PTPRT: variants seen among roughly 807,000 people sequenced by gnomAD.
The protein encoded by PTPRT is receptor-type tyrosine-protein phosphatase T.
In PTPRT, 56 loss-of-function variants were observed where a neutral mutation model predicts 176.8. That is an observed-to-expected ratio of 0.32 (90% confidence interval 0.26 to 0.40). The LOEUF (loss-of-function observed/expected upper bound fraction) is 0.40, where lower values mean the gene tolerates loss of function less well. Among genes scored for constraint, PTPRT ranks in the 10% least tolerant of loss-of-function variants. PTPRT has a pLI of 1.00. For missense variants in PTPRT, 1,540 were observed against 1,908.2 expected (o/e 0.81, Z 3.60); for synonymous variants, 783 against 739.0 (o/e 1.06, Z -0.96).
intron 11 of PTPRT, among the ~76,000 whole-genome samples, chr20:42,344,903 C>T (rs538485430): frequency 6.6e-6 from 1 of 152,220 alleles, no homozygotes; most frequent in African/African-American, 2.4e-5. Context: ...TTTGCATAGG[C>T]TGCTCTTTCT....
intron 1 of PTPRT, among the ~76,000 whole-genome samples, chr20:43,152,002 T>C (rs1165466329): frequency 1.3e-5 from 2 of 152,226 alleles, no homozygotes; most frequent in African/African-American, 4.8e-5. Context: ...GAGCCAGCAA[T>C]AGTATAAAGA....
chr20:42,140,099 T>C (rs1472892940), intron 18 of PTPRT, among the ~76,000 whole-genome samples: 5 of 152,278 alleles, frequency 3.3e-5, no homozygotes, highest in African/African-American at 1.2e-4. Context: ...TTTCTTCCTT[T>C]ACAATCTGCC....
chr20:42,063,999 T>C, the PTPRT span: 2 of 151,756 alleles, frequency 1.3e-5, no homozygotes, highest in Admixed American at 1.3e-4. Context: ...GCTTTGGTGA[T>C]TTGTAAGAGA....
chr20:42,501,078 G>A (rs1238952583), intron 7 of PTPRT, among the ~76,000 whole-genome samples: 1 of 152,098 alleles, frequency 6.6e-6, no homozygotes, highest in Non-Finnish European at 1.5e-5. Flanking sequence ...AATATTACCA[G>A]CCCTCAGAAG....
chr20:42,305,311 A>G (rs6030121), intron 12 of PTPRT, among the ~76,000 whole-genome samples: 4,580 of 152,194 alleles, frequency 0.03, 248 homozygotes, highest in African/African-American at 0.1. Flanking sequence ...AGATCATGCC[A>G]CTGCAATCTA....
chr20:42,097,542 G>A (rs367686115), intron 27 of PTPRT, among the ~76,000 whole-genome samples: 1 of 152,260 alleles, frequency 6.6e-6, no homozygotes, highest in Admixed American at 6.5e-5. Flanking sequence ...GCACTTCACT[G>A]CTGACCTCTA....
intron 1 of PTPRT, among the ~76,000 whole-genome samples, chr20:42,960,532 A>G (rs117174115): frequency 1.3e-5 from 2 of 152,354 alleles, no homozygotes; most frequent in Non-Finnish European, 2.9e-5. Context: ...CAAGGGATAC[A>G]AACATTAGAC....
intron 1 of PTPRT, among the ~76,000 whole-genome samples, chr20:42,999,437 G>A (rs1410472461): frequency 1.3e-5 from 2 of 151,428 alleles, no homozygotes; most frequent in African/African-American, 2.4e-5. Context: ...GCAAATTATA[G>A]TGGTGGGGGT....
chr20:42,184,549 C>CTTCTTCTTCTTCTTCTTT (rs1990665684), intron 16 of PTPRT, among the ~76,000 whole-genome samples: 1 of 111,144 alleles, frequency 9.0e-6, no homozygotes, highest in East Asian at 2.8e-4. Context: ...TCCTCTTCTT[C>CTTCTTCTTCTTCTTCTTT]TTCTTCTTCT....
intron 6 of PTPRT, among the ~76,000 whole-genome samples, chr20:42,740,691 C>G (rs1235427120): frequency 1.3e-5 from 2 of 152,170 alleles, no homozygotes; most frequent in East Asian, 1.9e-4. Flanking sequence ...GGGGGAAGAA[C>G]TGGCAAGTGG....
intron 7 of PTPRT, among the ~76,000 whole-genome samples, chr20:42,506,035 G>A (rs1490969959): frequency 6.6e-6 from 1 of 152,080 alleles, no homozygotes; most frequent in African/African-American, 2.4e-5. Context: ...GCAGAAAGAT[G>A]CAAAGCCATT....
intron 1 of PTPRT, among the ~76,000 whole-genome samples, chr20:43,136,105 T>C (rs888628480): frequency 6.6e-6 from 1 of 152,236 alleles, no homozygotes; most frequent in African/African-American, 2.4e-5. Flanking sequence ...AATTATCTGC[T>C]ATTTAATCAC....
intron 27 of PTPRT, among the ~76,000 whole-genome samples, chr20:42,087,405 T>A (rs982413550): frequency 1.4e-5 from 2 of 147,950 alleles, no homozygotes; most frequent in Non-Finnish European, 3.0e-5. Context: ...TATTTTATTT[T>A]TTTTATTTTT....
rs1048283945 is a variant in PTPRT, at chr20:42,804,942, A to T, written c.215-13476T>A. Among the ~76,000 whole-genome samples the T allele has an allele frequency of 7.9e-5, 12 of 152,242 alleles. No individual in the cohort carries two copies. The East Asian group carries it at 2.1e-3, about 27-fold the overall frequency. ...ACATCTAGAATGACTACTTCCAAAT[A>T]AGGTCACATTTTGAGATACTGGGAG... On this transcript the variant is annotated intron_variant, in intron 2 of 30. Coordinates refer to ENST00000373187, the MANE Select transcript of PTPRT (RefSeq NM_007050.6).
At chr20:42,313,633 C>T (rs2057670052) in intron 12 of PTPRT, among the ~76,000 whole-genome samples, 1 of 152,134 alleles carries the variant, frequency 6.6e-6, no homozygotes, top group East Asian at 1.9e-4. Flanking sequence ...TTGATATGTG[C>T]CAAGAGCAGG....
chr20:42,588,251 C>G (rs1040046330), intron 7 of PTPRT, among the ~76,000 whole-genome samples: 2 of 152,112 alleles, frequency 1.3e-5, no homozygotes, highest in Non-Finnish European at 2.9e-5. Flanking sequence ...TAAGACCAGT[C>G]TGGTCAACAC....
rs548754719 is a variant in PTPRT at position 42,281,580 on chromosome 20, T to C, written c.2176+909A>G. On this transcript the variant is annotated intron_variant, in intron 13 of 30. Transcript: ENST00000373187. Reference sequence around the variant, plus strand: ...GGTTTTGTCGTTGTGCATGTGTCTATATATTTACACACATACACATACATA... The same window carrying C: ...GGTTTTGTCGTTGTGCATGTGTCTACATATTTACACACATACACATACATA... 1.5e-4 allele frequency among the ~76,000 whole-genome samples: 23 copies of C among 152,328 alleles called. No homozygotes were observed. In the South Asian group the frequency reaches 4.1e-3, roughly 27 times the overall value.
chr20:42,327,067 T>C lies in PTPRT; in HGVS notation c.1866-11071A>G, dbSNP rs1211574381. Among the ~76,000 whole-genome samples, 3 of 147,582 alleles carry C rather than the reference T, an allele frequency of 2.0e-5. 1 individual carries two copies. The highest frequency in any genetic ancestry group is 6.8e-3 in the Middle Eastern group (2 of 292). On this transcript the variant is annotated intron_variant, in intron 11 of 30. Coordinates refer to ENST00000373187, the MANE Select transcript of PTPRT (RefSeq NM_007050.6). ...TACTAGAGTATGAGTTAAATAAAAA[T>C]GGACTAGGTAGGGGTGTGTGTGTGT...
chr20:42,734,362 C>T (rs910581103), intron 6 of PTPRT, among the ~76,000 whole-genome samples: 1 of 152,174 alleles, frequency 6.6e-6, no homozygotes, highest in African/African-American at 2.4e-5. Flanking sequence ...CCAGCAGGAA[C>T]CCAAGAGAGA....
Sources: allele counts gnomAD v4.1 joint callset (sites outside exome capture counted in the v4.1 genomes callset), GRCh38; gene constraint gnomAD v4.1.1; transcripts MANE v1.5; gene names NCBI Gene and HGNC (gene_info 2026-07-23, HGNC 2026-07-21).